The following ALK variants were observed in gnomAD, a reference collection of about 807,000 sequenced individuals.
The protein encoded by ALK is ALK tyrosine kinase receptor.
A neutral mutation model predicts 163.1 loss-of-function variants in ALK; 74 were observed. The observed-to-expected ratio is 0.45, with a 90% confidence interval of 0.38 to 0.55. ALK has a LOEUF of 0.55. ALK is among the 20% of genes least tolerant of loss of function. The pLI is 0.00. For synonymous variants in ALK, 960 were observed against 843.2 expected (o/e 1.14, Z -2.40); for missense variants, 2,063 against 2,105.3 (o/e 0.98, Z 0.39).
chr2:29,400,707 G>A (rs1380817030), intron 4 of ALK, among the ~76,000 whole-genome samples: 2 of 152,180 alleles, frequency 1.3e-5, no homozygotes, highest in Non-Finnish European at 2.9e-5. Context: ...GGGTGTGGTG[G>A]CTCACGCCTG....
At chr2:29,535,232 G>A (rs768858137) in intron 3 of ALK, among the ~76,000 whole-genome samples, 1 of 152,226 alleles carries the variant, frequency 6.6e-6, no homozygotes, top group Non-Finnish European at 1.5e-5. Context: ...TGGAGAGGCA[G>A]ATCAAAGAGC....
At chr2:29,868,366 T>C (rs927378878) in intron 1 of ALK, among the ~76,000 whole-genome samples, 2 of 152,204 alleles carry the variant, frequency 1.3e-5, no homozygotes, top group African/African-American at 4.8e-5. Context: ...ACAAAGATTC[T>C]GCACTTGTGA....
intron 1 of ALK, among the ~76,000 whole-genome samples, chr2:29,892,572 C>T (rs887946592): frequency 4.6e-5 from 7 of 152,140 alleles, no homozygotes; most frequent in African/African-American, 1.7e-4. Context: ...CCATTGGACC[C>T]TCACAATGAG....
chr2:29,513,282 TACTGGTACCAAA>T (rs771430550), intron 4 of ALK, among the ~76,000 whole-genome samples: 2,273 of 124,572 alleles, frequency 0.018, 32 homozygotes, highest in East Asian at 0.051. Flanking sequence ...AACAGCATGG[TACTGGTACCAAA>T]ACAGAGATAT....
chr2:29,196,789 C>G lies in ALK; in HGVS notation c.4145G>C (p.Arg1382Thr), dbSNP rs1483651629. The G allele has an allele frequency of 6.2e-7, 1 of 1,613,892 alleles. No homozygotes were observed. ...DRPNFAIILE[R>T]IEYCTQDPDV... ...TTTTACCTGGGTGCAGTATTCAATC[C>G]TCTCCAAAATGATGGCAAAGTTGGG... The change falls in exon 28 of 29, where the codon AGG becomes ACG. Residue 1382 changes from arginine to threonine, a missense_variant. By Grantham distance (71) the Arg-to-Thr change is moderately conservative (BLOSUM62 -1). Transcript: ENST00000389048.
chr2:29,285,061 GT>G (rs1665816948), intron 9 of ALK, among the ~76,000 whole-genome samples: 1 of 152,214 alleles, frequency 6.6e-6, no homozygotes, highest in Admixed American at 6.5e-5. Context: ...GCCCAAGGCT[GT>G]CCTGAGCCAG....
chr2:29,858,390 C>A (rs907710360), intron 1 of ALK, among the ~76,000 whole-genome samples: 1 of 151,972 alleles, frequency 6.6e-6, no homozygotes, highest in African/African-American at 2.4e-5. Context: ...AGTGGAACCA[C>A]CCCCCTCTCG....
At chr2:29,468,176 G>A (rs1558337258) in intron 4 of ALK, among the ~76,000 whole-genome samples, 1 of 152,010 alleles carries the variant, frequency 6.6e-6, no homozygotes, top group African/African-American at 2.4e-5. Flanking sequence ...CTACAGGCAC[G>A]TGCCACCACA....
chr2:29,228,955 C>G lies in ALK; in HGVS notation c.2744G>C (p.Trp915Ser), dbSNP rs1241864472. The G allele has an allele frequency of 6.3e-7, 1 of 1,590,198 alleles. No individual in the cohort carries two copies. The highest frequency in any genetic ancestry group is 1.7e-5 in the Admixed American group (1 of 59,904). The change falls in exon 16 of 29, where the codon TGG (tryptophan) becomes TCG (serine). Residue 915 changes from tryptophan (W) to serine (S), a missense_variant. Trp to Ser is a radical substitution (Grantham distance 177, BLOSUM62 -3). Transcript: ENST00000389048. ...CCCTCCGAAACCCCCTCTTGTCTCCCACCCCCACTTCTTCATGGCCTGGGG... is the reference window on the plus strand; with the variant it reads ...CCCTCCGAAACCCCCTCTTGTCTCCGACCCCCACTTCTTCATGGCCTGGGG... ...SCPQAMKKWG[W>S]ETRGGFGGGG...
At position 29,843,725 on chromosome 2, in the gene ALK, T is replaced by C. The variant is rs150834112; in HGVS notation, c.667+76268A>G. ...CAGTAAAATGGATGCAAGCAAAAAA[T>C]TGTCACTTTTCAAAACCAGAAGTTA... On this transcript the variant is annotated intron_variant, in intron 1 of 28. Transcript: ENST00000389048. 9.1e-3 allele frequency among the ~76,000 whole-genome samples: 1,383 copies of C among 152,070 alleles called. 10 individuals carry two copies. The highest frequency in any genetic ancestry group is 0.031 in the Middle Eastern group (9 of 294).
intron 12 of ALK, 125 bp downstream of exon 12, chr2:29,250,980 C>A: frequency 1.1e-6 from 1 of 922,882 alleles, no homozygotes; most frequent in Non-Finnish European, 1.6e-6. Flanking sequence ...CCCCTATGGG[C>A]CTGAGTCTGT....
intron 1 of ALK, among the ~76,000 whole-genome samples, chr2:29,770,986 AAC>A (rs752231737): frequency 1.3e-4 from 19 of 148,658 alleles, no homozygotes; most frequent in East Asian, 1.0e-3. Context: ...CATACACAGA[AAC>A]ACAGACACAC....
chr2:29,871,763 G>A (rs923239983), intron 1 of ALK, among the ~76,000 whole-genome samples: 1 of 152,180 alleles, frequency 6.6e-6, no homozygotes, highest in African/African-American at 2.4e-5. Flanking sequence ...AAAAACTGAA[G>A]TCCAGAGAGA....
chr2:29,653,708 C>T (rs763286193), intron 3 of ALK, among the ~76,000 whole-genome samples: 159 of 152,018 alleles, frequency 1.0e-3, no homozygotes, highest in Non-Finnish European at 1.7e-3. Flanking sequence ...AGAAGATACA[C>T]GGTATGAGGA....
In ALK at chr2:29,472,588, AC is replaced by A. The variant is rs532452780; in HGVS notation, c.1154+59326del. Among the ~76,000 whole-genome samples, 258 of 152,350 alleles carry A rather than the reference AC, an allele frequency of 1.7e-3. 1 individual carries two copies. Among genetic ancestry groups the A allele is most frequent in the African/African-American group, 5.8e-3 (243 of 41,578 alleles). On this transcript the variant is annotated intron_variant, in intron 4 of 28. Transcript: ENST00000389048. ...CATTTTACTAGTTCTCTTAGCCAAT[AC>A]AATAAGGCAAGAAAAAGAAATAAAA... is the stretch of plus-strand genomic sequence containing the variant.
At chr2:29,752,870 GAC>G (rs1427693493) in intron 1 of ALK, among the ~76,000 whole-genome samples, 1 of 152,142 alleles carries the variant, frequency 6.6e-6, no homozygotes, top group Non-Finnish European at 1.5e-5. Context: ...CCAAGACTGA[GAC>G]ACACAAGATT....
In ALK at chr2:29,790,375, A is replaced by G. The variant is rs188849794; in HGVS notation, c.668-72678T>C. Among the ~76,000 whole-genome samples the G allele has an allele frequency of 1.2e-3, 176 of 152,258 alleles. 1 individual carries two copies. The highest frequency in any genetic ancestry group is 2.3e-3 in the Non-Finnish European group (158 of 68,020). On this transcript the variant is annotated intron_variant, in intron 1 of 28. Transcript: ENST00000389048. Reference sequence around the variant, plus strand: ...AAGTGACATAGACTGGGCTTGAAAAAATGTTAATCTATGCAAAATCCTCTT... The same window carrying G: ...AAGTGACATAGACTGGGCTTGAAAAGATGTTAATCTATGCAAAATCCTCTT...
chr2:29,423,953 T>C (rs11895441), intron 4 of ALK, among the ~76,000 whole-genome samples: 12,856 of 152,288 alleles, frequency 0.084, 740 homozygotes, highest in Non-Finnish European at 0.13. Flanking sequence ...CCTTTCCCTT[T>C]CTATCCCTAG....
At chr2:29,807,126 C>T (rs1043097701) in intron 1 of ALK, among the ~76,000 whole-genome samples, 4 of 152,166 alleles carry the variant, frequency 2.6e-5, no homozygotes, top group Non-Finnish European at 5.9e-5. Context: ...ACAAATAGTG[C>T]CTTGAGTCTT....
Sources: allele counts gnomAD v4.1 joint callset (sites outside exome capture counted in the v4.1 genomes callset), GRCh38; gene constraint gnomAD v4.1.1; transcripts MANE v1.5; gene names NCBI Gene and HGNC (gene_info 2026-07-23, HGNC 2026-07-21).